The following TBC1D22A variants were observed in gnomAD, a reference collection of about 807,000 sequenced individuals.
TBC1D22A encodes TBC1 domain family member 22A, also known as putative GTPase activator.
Under a neutral mutation model 60.2 loss-of-function variants are expected in TBC1D22A, and 38 were observed. The observed-to-expected ratio is 0.63, with a 90% CI of 0.49 to 0.83. TBC1D22A has a LOEUF of 0.83. Among genes scored for constraint, TBC1D22A ranks in the 40% least tolerant of loss-of-function variants. The pLI, the probability that TBC1D22A is intolerant of heterozygous loss-of-function variation, is 0.00. For synonymous variants in TBC1D22A, 302 were observed against 281.7 expected (o/e 1.07, Z -0.72); for missense variants, 628 against 701.0 (o/e 0.90, Z 1.18).
chr22:46,934,343 T>C (rs2071523461), intron 8 of TBC1D22A, among the ~76,000 whole-genome samples: 2 of 152,372 alleles, frequency 1.3e-5, no homozygotes, highest in South Asian at 4.1e-4. Flanking sequence ...GGTTACATTC[T>C]CAGCCTTCGT....
chr22:46,839,472 C>T (rs994051405), intron 4 of TBC1D22A, among the ~76,000 whole-genome samples: 41 of 151,972 alleles, frequency 2.7e-4, no homozygotes, highest in African/African-American at 9.7e-4. Context: ...GGAAATATAT[C>T]CCATGTGTAT....
At chr22:46,941,669 A>ATATATATACGGAATATATATACGCGGAT in intron 8 of TBC1D22A, among the ~76,000 whole-genome samples, 1 of 67,056 alleles carries the variant, frequency 1.5e-5, no homozygotes. Flanking sequence ...TATACGCGGA[A>ATATATATACGGAATATATATACGCGGAT]TATATATACG....
At chr22:46,929,190 A>G (rs1253493821) in intron 8 of TBC1D22A, among the ~76,000 whole-genome samples, 2 of 152,192 alleles carry the variant, frequency 1.3e-5, no homozygotes, top group South Asian at 2.1e-4. Context: ...ATCGACAAAC[A>G]TTGTGTGGTT....
At chr22:47,060,051 C>G (rs998048183) in intron 11 of TBC1D22A, among the ~76,000 whole-genome samples, 4 of 152,092 alleles carry the variant, frequency 2.6e-5, no homozygotes, top group African/African-American at 9.7e-5. Flanking sequence ...GCTCGAGATC[C>G]TGGAGAAAAG....
intron 12 of TBC1D22A, among the ~76,000 whole-genome samples, chr22:47,131,780 C>T (rs1469874023): frequency 2.0e-5 from 3 of 152,218 alleles, no homozygotes; most frequent in Non-Finnish European, 4.4e-5. Context: ...GGCTCTCTCG[C>T]AGAGGCCCCT....
chr22:47,076,382 C>T (rs189228980), intron 11 of TBC1D22A, among the ~76,000 whole-genome samples: 35,135 of 99,516 alleles, frequency 0.35, 6,118 homozygotes, highest in African/African-American at 0.39. Flanking sequence ...TATATATATA[C>T]ACACACACAC....
chr22:47,042,431 G>A (rs199821730), intron 11 of TBC1D22A, among the ~76,000 whole-genome samples: 1 of 21,486 alleles, frequency 4.7e-5, no homozygotes, highest in African/African-American at 4.2e-4. Flanking sequence ...GAAGAGAGAG[G>A]AGAGAGAGAG....
intron 8 of TBC1D22A, among the ~76,000 whole-genome samples, chr22:46,949,205 C>T (rs531447360): frequency 2.0e-5 from 3 of 152,206 alleles, no homozygotes; most frequent in Admixed American, 6.5e-5. Flanking sequence ...TCAAAGAAGA[C>T]GCAACATCAA....
At chr22:47,045,337 C>T (rs1225463357) in intron 11 of TBC1D22A, among the ~76,000 whole-genome samples, 2 of 152,138 alleles carry the variant, frequency 1.3e-5, no homozygotes, top group East Asian at 1.9e-4. Context: ...CCCATTAATG[C>T]GACTTCTCTC....
At chr22:46,963,769 A>G (rs2073662674) in intron 8 of TBC1D22A, among the ~76,000 whole-genome samples, 1 of 152,152 alleles carries the variant, frequency 6.6e-6, no homozygotes, top group African/African-American at 2.4e-5. Context: ...CCGGCCTCCA[A>G]GCTGTATATT....
At chr22:47,156,222 CAG>C (rs1183399616) in intron 12 of TBC1D22A, among the ~76,000 whole-genome samples, 2 of 152,226 alleles carry the variant, frequency 1.3e-5, no homozygotes, top group African/African-American at 2.4e-5. Flanking sequence ...TGGGACCAAT[CAG>C]GGGCTGGACT....
At chr22:47,172,948 G>A (rs117053268) in intron 12 of TBC1D22A, among the ~76,000 whole-genome samples, 3 of 152,250 alleles carry the variant, frequency 2.0e-5, no homozygotes, top group Admixed American at 1.3e-4. Context: ...TGCTGATGGT[G>A]CTGGTGCCCG....
chr22:47,000,821 C>T (rs2061381487), intron 10 of TBC1D22A, among the ~76,000 whole-genome samples: 1 of 140,604 alleles, frequency 7.1e-6, no homozygotes, highest in African/African-American at 2.9e-5. Flanking sequence ...TTAAATTAAG[C>T]CAACAAAGCA....
chr22:47,035,818 C>T, intron 10 of TBC1D22A, among the ~76,000 whole-genome samples: 1 of 152,188 alleles, frequency 6.6e-6, no homozygotes, highest in East Asian at 1.9e-4. Flanking sequence ...GAAGTCCAGG[C>T]CGGCACCCGC....
At chr22:47,063,117 A>G (rs1395172056) in intron 11 of TBC1D22A, among the ~76,000 whole-genome samples, 1 of 152,156 alleles carries the variant, frequency 6.6e-6, no homozygotes, top group African/African-American at 2.4e-5. Context: ...GAGGATGGAC[A>G]GAAGGAGGAG....
chr22:46,976,562 C>T (rs977451467), intron 9 of TBC1D22A, among the ~76,000 whole-genome samples: 3 of 152,230 alleles, frequency 2.0e-5, no homozygotes, highest in African/African-American at 7.2e-5. Flanking sequence ...CACGGCAACA[C>T]GCAGACCGGC....
chr22:46,762,713 G>C lies in TBC1D22A; in HGVS notation c.-74G>C. On this transcript the variant is annotated 5_prime_UTR_variant, in exon 1 of 13. Coordinates refer to ENST00000337137, the MANE Select transcript of TBC1D22A (RefSeq NM_014346.5). ...GCAGTGAGGGGCCACCCGGGGCACA[G>C]GAAAGGGCCGCTAGGGGAGGGCCGG... The C allele has an allele frequency of 7.5e-7, 1 of 1,336,296 alleles. No homozygotes were observed. Among genetic ancestry groups the C allele is most frequent in the Non-Finnish European group, 9.7e-7 (1 of 1,028,014 alleles). The allele number at this position is 1,336,296 out of a possible 1,614,324, so 82.8% of individuals were successfully genotyped here. A position where few individuals can be genotyped will look rare whatever the true frequency, so the allele number is the denominator to read the frequency against.
intron 8 of TBC1D22A, among the ~76,000 whole-genome samples, chr22:46,956,837 C>G (rs905183830): frequency 6.6e-6 from 1 of 152,368 alleles, no homozygotes; most frequent in South Asian, 2.1e-4. Flanking sequence ...GATTCTAAAC[C>G]AGCACAGACT....
At chr22:46,897,254 A>T (rs2068725463) in intron 7 of TBC1D22A, among the ~76,000 whole-genome samples, 1 of 152,138 alleles carries the variant, frequency 6.6e-6, no homozygotes, top group Non-Finnish European at 1.5e-5. Context: ...GGGCCTGGTA[A>T]CTGGATTTTC....
Sources: gnomAD v4.1 joint callset for allele counts (sites outside exome capture counted in the v4.1 genomes callset) on GRCh38, gnomAD v4.1.1 for gene constraint, MANE v1.5 for transcripts, NCBI Gene and HGNC (gene_info 2026-07-23, HGNC 2026-07-21) for gene names.